SEM1: variants seen among roughly 807,000 people sequenced by gnomAD.
The protein encoded by SEM1 is 26S proteasome complex subunit SEM1.
In SEM1, 3 loss-of-function variants were observed where a neutral mutation model predicts 12.7. The observed-to-expected ratio is 0.24, with a 90% CI of 0.11 to 0.61. The LOEUF (loss-of-function observed/expected upper bound fraction) is 0.61. Among genes scored for constraint, SEM1 ranks in the 20% least tolerant of loss-of-function variants. SEM1 has a pLI of 0.88. For missense variants in SEM1, 59 were observed against 81.3 expected, an observed-to-expected ratio of 0.73 and a Z score of 1.06; for synonymous variants, 30 against 27.8, an observed-to-expected ratio of 1.08 and a Z score of -0.25.
At chr7:96,649,403 A>G (rs1454166002) in intron 2 of SEM1, 2 of 152,076 alleles carry the variant, frequency 1.3e-5, no homozygotes, top group African/African-American at 4.8e-5. Context: ...AATTAAGGTA[A>G]TTTTTCTGAG....
At chr7:96,682,176 GCTCT>G (rs750595824) in intron 2 of SEM1, among the ~76,000 whole-genome samples, 9 of 151,704 alleles carry the variant, frequency 5.9e-5, no homozygotes, top group Admixed American at 1.3e-4. Flanking sequence ...TCATGATTTC[GCTCT>G]CTTTTTGTCT....
At chr7:96,548,695 T>C (rs1319692622) in intron 2 of SEM1, among the ~76,000 whole-genome samples, 2 of 152,172 alleles carry the variant, frequency 1.3e-5, no homozygotes, top group Non-Finnish European at 2.9e-5. Context: ...TCTTCTCCCT[T>C]TTTAAAATAT....
Position 96,515,306 on chromosome 7 carries a change from C to A in SEM1, c.171-8608G>T, listed in dbSNP as rs554908519. Among the ~76,000 whole-genome samples, 3 of 152,210 alleles carry A rather than the reference C, an allele frequency of 2.0e-5. No individual in the cohort carries two copies. The South Asian group carries it at 6.2e-4, about 32-fold the overall frequency. Reference sequence around the variant, plus strand: ...ATCATCACTGGTCATCAGAGAGATGCAAATCAAAACCACAAAGGGATACCA... The same window carrying A: ...ATCATCACTGGTCATCAGAGAGATGAAAATCAAAACCACAAAGGGATACCA... On this transcript the variant is annotated intron_variant and NMD_transcript_variant, in intron 2 of 3. Coordinates refer to the SEM1 transcript ENST00000466986.
At chr7:96,669,479 C>T (rs1789256267), downstream of SEM1, among the ~76,000 whole-genome samples, 1 of 152,074 alleles carries the variant, frequency 6.6e-6, no homozygotes, top group Non-Finnish European at 1.5e-5. Context: ...AAAATTTCCC[C>T]ACTACTTAAC....
At chr7:96,675,049 C>T (rs1180553466) in intron 2 of SEM1, among the ~76,000 whole-genome samples, 4 of 152,192 alleles carry the variant, frequency 2.6e-5, no homozygotes, top group African/African-American at 4.8e-5. Flanking sequence ...GTCAGGACCA[C>T]TTCTCTGTTA....
At chr7:96,615,171 T>C (rs1049602971) in intron 2 of SEM1, among the ~76,000 whole-genome samples, 1 of 151,984 alleles carries the variant, frequency 6.6e-6, no homozygotes, top group Admixed American at 6.6e-5. Context: ...TCACAAGGGA[T>C]TTGATTGCAT....
At chr7:96,533,690 TGGGGG>T (rs1039678431) in intron 2 of SEM1, among the ~76,000 whole-genome samples, 2 of 151,990 alleles carry the variant, frequency 1.3e-5, no homozygotes, top group Non-Finnish European at 2.9e-5. Context: ...TGGAGTCCTC[TGGGGG>T]GTCCCTAAGA....
At chr7:96,500,003 A>G (rs985869291), upstream of SEM1, among the ~76,000 whole-genome samples, 1 of 152,210 alleles carries the variant, frequency 6.6e-6, no homozygotes, top group Non-Finnish European at 1.5e-5. Context: ...AAGGATAGTT[A>G]CTTAAATTGA....
intron 2 of SEM1, among the ~76,000 whole-genome samples, chr7:96,535,522 C>T (rs1804761646): frequency 6.6e-6 from 1 of 151,736 alleles, no homozygotes; most frequent in Non-Finnish European, 1.5e-5. Context: ...TATAGGCAAA[C>T]TCACAACTTG....
chr7:96,621,463 G>A (rs1277655728), downstream of SEM1, among the ~76,000 whole-genome samples: 1 of 152,114 alleles, frequency 6.6e-6, no homozygotes, highest in Non-Finnish European at 1.5e-5. Flanking sequence ...TGGGGTTTGG[G>A]GAATGTAGAA....
At chr7:96,593,346 A>G (rs909044066) in intron 2 of SEM1, among the ~76,000 whole-genome samples, 2 of 152,198 alleles carry the variant, frequency 1.3e-5, no homozygotes, top group Admixed American at 6.5e-5. Flanking sequence ...TGTTTTCTTG[A>G]CTATACATGT....
chr7:96,607,664 T>G (rs78218413), intron 2 of SEM1, among the ~76,000 whole-genome samples: 4,384 of 152,240 alleles, frequency 0.029, 192 homozygotes, highest in African/African-American at 0.1. Context: ...TGCCCACAAT[T>G]GGGCCCACTG....
chr7:96,552,334 C>T (rs936441182), intron 2 of SEM1, among the ~76,000 whole-genome samples: 1 of 152,132 alleles, frequency 6.6e-6, no homozygotes, highest in Non-Finnish European at 1.5e-5. Flanking sequence ...AGTGCTATCC[C>T]TCCCCCTCCC....
At chr7:96,634,960 C>G (rs1808384718) in intron 2 of SEM1, among the ~76,000 whole-genome samples, 1 of 152,100 alleles carries the variant, frequency 6.6e-6, no homozygotes, top group Admixed American at 6.6e-5. Flanking sequence ...ATAAACATCA[C>G]TCTGGTTTCT....
At chr7:96,523,826 G>C (rs892410888) in intron 2 of SEM1, among the ~76,000 whole-genome samples, 6 of 152,056 alleles carry the variant, frequency 3.9e-5, no homozygotes, top group Non-Finnish European at 8.8e-5. Flanking sequence ...CCTTGAAATT[G>C]TTCCACCCCA....
At chr7:96,517,465 A>C (rs984480800) in intron 2 of SEM1, among the ~76,000 whole-genome samples, 1 of 152,154 alleles carries the variant, frequency 6.6e-6, no homozygotes, top group African/African-American at 2.4e-5. Flanking sequence ...ATTCTTTTCA[A>C]CATATGTATA....
chr7:96,503,535 A>G (rs1293249767), intron 3 of SEM1: 1 of 152,150 alleles, frequency 6.6e-6, no homozygotes, highest in Non-Finnish European at 1.5e-5. Context: ...TAAGTCACTG[A>G]GACGAATAAA....
rs1554409870 is a variant in SEM1, at chr7:96,522,729, C to CCG, written c.171-16032_171-16031insCG. On this transcript the variant is annotated intron_variant and NMD_transcript_variant, in intron 2 of 3. Coordinates refer to the SEM1 transcript ENST00000466986. ...CCCGTCTCTACTAAAAATACCCCCC[C>CCG]CCCAAAAAAAAATTAGCCGGATGTG... 1.5e-4 allele frequency among the ~76,000 whole-genome samples: 19 copies of CCG among 125,218 alleles called. 1 individual carries two copies. The highest frequency in any genetic ancestry group is 5.2e-4 in the African/African-American group (19 of 36,774). The allele number at this position is 125,218 out of a possible 152,430, so 82.1% of individuals were successfully genotyped here. A position where few individuals can be genotyped will look rare whatever the true frequency, so the allele number is the denominator to read the frequency against.
At chr7:96,623,150 C>T (rs1308200358) in intron 2 of SEM1, 1 of 152,496 alleles carries the variant, frequency 6.6e-6, no homozygotes, top group African/African-American at 2.4e-5. Context: ...TTCTCTTGTC[C>T]ACCTGCTTGA....
Sources: gnomAD v4.1 joint callset for allele counts (sites outside exome capture counted in the v4.1 genomes callset) on GRCh38, gnomAD v4.1.1 for gene constraint, MANE v1.5 for transcripts, NCBI Gene and HGNC (gene_info 2026-07-23, HGNC 2026-07-21) for gene names.